NAV3: variants seen among roughly 807,000 people sequenced by gnomAD.
The protein encoded by NAV3 is pore membrane and/or filament interacting like protein 1.
Under a neutral mutation model 244.7 loss-of-function variants are expected in NAV3, and 87 were observed. That is an observed-to-expected ratio of 0.36 (90% CI 0.30 to 0.42). The LOEUF is 0.42. Ranked by LOEUF, NAV3 falls within the 20% of genes least tolerant of loss-of-function variation. The pLI is 1.00. For missense variants in NAV3, 2,663 were observed against 2,893.3 expected (o/e 0.92, Z 1.83); for synonymous variants, 1,126 against 1,042.2 (o/e 1.08, Z -1.55).
In NAV3 at chr12:78,055,030, T is replaced by C. The variant is rs536250137; in HGVS notation, c.2516+3883T>C. Among the ~76,000 whole-genome samples the C allele has an allele frequency of 3.3e-5, 5 of 152,294 alleles. No homozygotes were observed. The South Asian group carries it at 1.0e-3, about 32-fold the overall frequency. On this transcript the variant is annotated intron_variant, in intron 11 of 39. Coordinates refer to ENST00000397909, the MANE Select transcript of NAV3 (RefSeq NM_001024383.2). The stretch of plus-strand genomic sequence containing the variant: ...CAGGGATCATAAACTGAATTATGTA[T>C]ATATGTATGTATACATGTATATGTC...
chr12:77,625,563 C>T (rs1006783283), intron 2 of NAV3, among the ~76,000 whole-genome samples: 7 of 152,202 alleles, frequency 4.6e-5, no homozygotes, highest in African/African-American at 1.7e-4. Flanking sequence ...ATCTGGCCCA[C>T]TGCCATTACC....
At position 77,685,500 on chromosome 12, in the gene NAV3, C is replaced by CAA. The variant is rs1413877799; in HGVS notation, c.72+113235_72+113236insAA. Among the ~76,000 whole-genome samples, 16 of 145,502 alleles carry CAA rather than the reference C, an allele frequency of 1.1e-4. No homozygotes were observed. In the East Asian group the frequency reaches 2.7e-3, roughly 25 times the overall value. ...ACACACACACACACACACACACACA[C>CAA]ACACACATACCCACACGCACACCAT... On this transcript the variant is annotated intron_variant, in intron 2 of 8. Coordinates refer to the NAV3 transcript ENST00000550042.
chr12:78,160,404 C>CGTGT (rs72534188), intron 23 of NAV3, among the ~76,000 whole-genome samples: 1 of 144,726 alleles, frequency 6.9e-6, no homozygotes, highest in African/African-American at 2.6e-5. Flanking sequence ...TGTGTGCGTG[C>CGTGT]GTGTGTGTGT....
intron 39 of NAV3, among the ~76,000 whole-genome samples, chr12:78,207,306 A>T (rs1434906815): frequency 6.6e-6 from 1 of 152,160 alleles, no homozygotes; most frequent in African/African-American, 2.4e-5. Flanking sequence ...AGTTTTTGGT[A>T]TATCTCACAT....
At chr12:77,985,891 A>C (rs2136305771) in intron 5 of NAV3, among the ~76,000 whole-genome samples, 1 of 152,108 alleles carries the variant, frequency 6.6e-6, no homozygotes, top group Non-Finnish European at 1.5e-5. Flanking sequence ...TCCCAACCTC[A>C]TTTCTTCCTC....
intron 2 of NAV3, among the ~76,000 whole-genome samples, chr12:77,809,063 G>T (rs992906551): frequency 2.0e-5 from 3 of 152,158 alleles, no homozygotes; most frequent in Admixed American, 2.0e-4. Context: ...AGAATGCTGT[G>T]CTGGCAGTGA....
intron 1 of NAV3, among the ~76,000 whole-genome samples, chr12:77,837,408 G>C (rs1414449145): frequency 1.3e-5 from 2 of 151,984 alleles, no homozygotes; most frequent in African/African-American, 4.8e-5. Context: ...TTGCAGACAG[G>C]TCTAATATTA....
intron 3 of NAV3, among the ~76,000 whole-genome samples, chr12:77,964,119 A>G (rs1191611402): frequency 1.3e-5 from 2 of 149,722 alleles, no homozygotes; most frequent in African/African-American, 4.9e-5. Context: ...TTGTGGTGCA[A>G]GTTGAGAGAG....
chr12:78,136,119 A>G (rs1164620137), intron 18 of NAV3, among the ~76,000 whole-genome samples: 1 of 152,178 alleles, frequency 6.6e-6, no homozygotes, highest in Non-Finnish European at 1.5e-5. Context: ...GAAGAAGTTT[A>G]GTGCCTGTGT....
intron 12 of NAV3, among the ~76,000 whole-genome samples, chr12:78,114,491 A>G (rs987153505): frequency 2.0e-5 from 3 of 152,292 alleles, no homozygotes; most frequent in South Asian, 4.1e-4. Context: ...AAGGGAAGCA[A>G]ACACATCCTC....
intron 1 of NAV3, among the ~76,000 whole-genome samples, chr12:77,881,768 C>T (rs1411403327): frequency 1.3e-5 from 2 of 152,114 alleles, no homozygotes; most frequent in Non-Finnish European, 2.9e-5. Context: ...AGTAGCATTT[C>T]TATACACCAA....
intron 1 of NAV3, among the ~76,000 whole-genome samples, chr12:77,841,436 G>T (rs2136168304): frequency 6.6e-6 from 1 of 152,270 alleles, no homozygotes; most frequent in Non-Finnish European, 1.5e-5. Flanking sequence ...AAATGGCATT[G>T]CACTAGTTAA....
chr12:77,746,390 G>A (rs180846964), intron 2 of NAV3, among the ~76,000 whole-genome samples: 99 of 152,158 alleles, frequency 6.5e-4, no homozygotes, highest in African/African-American at 2.0e-3. Flanking sequence ...CACCTGTTTC[G>A]TATAAACAGT....
intron 2 of NAV3, among the ~76,000 whole-genome samples, chr12:77,742,816 T>C: frequency 6.6e-6 from 1 of 152,028 alleles, no homozygotes; most frequent in East Asian, 1.9e-4. Flanking sequence ...GTTGCAAGTA[T>C]TTGCTTAAAA....
intron 1 of NAV3, among the ~76,000 whole-genome samples, chr12:77,863,709 T>C (rs1488584897): frequency 1.4e-5 from 2 of 147,452 alleles, no homozygotes; most frequent in East Asian, 4.2e-4. Context: ...AAGTGAAGTT[T>C]GAATTTCTTA....
chr12:77,672,586 C>T (rs182431602), intron 2 of NAV3, among the ~76,000 whole-genome samples: 38 of 151,750 alleles, frequency 2.5e-4, no homozygotes, highest in African/African-American at 8.2e-4. Context: ...GAGTAGTATT[C>T]CATGGTGCGT....
In NAV3 at chr12:78,101,037, A is replaced by C. The variant is rs558340384; in HGVS notation, c.2637-15735A>C. On this transcript the variant is annotated intron_variant, in intron 12 of 39. Coordinates refer to ENST00000397909, the MANE Select transcript of NAV3 (RefSeq NM_001024383.2). ...ACTTCATTCCCTTGGTTTTTGCCAC[A>C]ATTTGTAATAATTTGCAATTTGGAG... Among the ~76,000 whole-genome samples the C allele has an allele frequency of 3.3e-5, 5 of 152,278 alleles. No homozygotes were observed. The South Asian group carries it at 8.3e-4, about 25-fold the overall frequency.
chr12:78,052,683 G>T (rs1882933668), intron 11 of NAV3, among the ~76,000 whole-genome samples: 1 of 151,796 alleles, frequency 6.6e-6, no homozygotes, highest in Non-Finnish European at 1.5e-5. Flanking sequence ...ATTTAACATA[G>T]CCTAGGAGGC....
At chr12:77,869,485 C>A (rs1880615700) in intron 1 of NAV3, among the ~76,000 whole-genome samples, 2 of 152,202 alleles carry the variant, frequency 1.3e-5, no homozygotes, top group South Asian at 4.2e-4. Flanking sequence ...ATGCATATGA[C>A]CCTACTCATG....
Sources: allele counts gnomAD v4.1 joint callset (sites outside exome capture counted in the v4.1 genomes callset), GRCh38; gene constraint gnomAD v4.1.1; transcripts MANE v1.5; gene names NCBI Gene and HGNC (gene_info 2026-07-23, HGNC 2026-07-21).